Variants in DNAH11 observed in about 807,000 individuals in gnomAD.
DNAH11 encodes the protein axonemal beta dynein heavy chain 11.
A neutral mutation model predicts 526.0 loss-of-function variants in DNAH11; 442 were observed. The observed-to-expected ratio is 0.84, with a 90% confidence interval of 0.78 to 0.91. DNAH11 has a LOEUF of 0.91. Ranked by LOEUF, DNAH11 falls within the 40% of genes least tolerant of loss-of-function variation. DNAH11 has a pLI of 0.00. For synonymous variants in DNAH11, 2,461 were observed against 1,935.9 expected, an observed-to-expected ratio of 1.27 and a Z score of -7.12; for missense variants, 6,989 against 5,448.7, an observed-to-expected ratio of 1.28 and a Z score of -8.90.
intron 45 of DNAH11, among the ~76,000 whole-genome samples, chr7:21,733,701 T>C (rs1486547777): frequency 1.3e-5 from 2 of 152,224 alleles, no homozygotes; most frequent in Non-Finnish European, 2.9e-5. Context: ...CATCTTAATA[T>C]AGTAGAAGAG....
intron 28 of DNAH11, among the ~76,000 whole-genome samples, chr7:21,642,673 A>G (rs1048899808): frequency 1.3e-5 from 2 of 152,136 alleles, no homozygotes; most frequent in Non-Finnish European, 2.9e-5. Context: ...TCATCTTGAC[A>G]TCTTGTGAAT....
At chr7:21,882,129 C>T (rs112936224) in intron 75 of DNAH11, among the ~76,000 whole-genome samples, 2,986 of 152,230 alleles carry the variant, frequency 0.02, 31 homozygotes, top group Middle Eastern at 0.037. Flanking sequence ...AGGCTGCAAC[C>T]GGGAATAGAA....
At chr7:21,798,333 T>A (rs1400355678) in intron 61 of DNAH11, among the ~76,000 whole-genome samples, 1 of 152,206 alleles carries the variant, frequency 6.6e-6, no homozygotes, top group Non-Finnish European at 1.5e-5. Flanking sequence ...TGACCTCAGG[T>A]GATCCACCTG....
chr7:21,773,118 T>G (rs1430469243), intron 55 of DNAH11, among the ~76,000 whole-genome samples: 1 of 152,146 alleles, frequency 6.6e-6, no homozygotes, highest in Non-Finnish European at 1.5e-5. Flanking sequence ...AATTAAAAAG[T>G]TAACTACTTC....
chr7:21,873,101 T>C (rs1324209336), intron 73 of DNAH11, among the ~76,000 whole-genome samples, 173 bp from the exon 74 acceptor site: 1 of 152,086 alleles, frequency 6.6e-6, no homozygotes, highest in Non-Finnish European at 1.5e-5. Context: ...CTTTTTTTTT[T>C]TTTGATGTAT....
chr7:21,715,627 CAG>C (rs1784629426), intron 42 of DNAH11, among the ~76,000 whole-genome samples: 1 of 152,070 alleles, frequency 6.6e-6, no homozygotes, highest in Admixed American at 6.6e-5. Context: ...TTATATGAAG[CAG>C]TGTTGTAAGA....
At chr7:21,861,814 C>G in intron 68 of DNAH11, 39 bp from the exon 69 acceptor site, 2 of 1,607,430 alleles carry the variant, frequency 1.2e-6, no homozygotes, top group Non-Finnish European at 1.7e-6. Flanking sequence ...CATCCAGGCA[C>G]CAGTTGTCAC....
At chr7:21,856,568 T>C (rs1162987795) in intron 68 of DNAH11, among the ~76,000 whole-genome samples, 1 of 152,190 alleles carries the variant, frequency 6.6e-6, no homozygotes, top group African/African-American at 2.4e-5. Context: ...GTAAACATTG[T>C]TGGTAAACTC....
At chr7:21,900,815 C>A (rs969353056) in intron 81 of DNAH11, 192 bp from the exon 82 acceptor site, 2 of 780,066 alleles carry the variant, frequency 2.6e-6, no homozygotes, top group African/African-American at 1.8e-5. Context: ...GGAAGCAAAG[C>A]GGTGCCTCCG....
intron 37 of DNAH11, among the ~76,000 whole-genome samples, chr7:21,704,099 G>T (rs1048988871): frequency 2.6e-5 from 4 of 152,158 alleles, no homozygotes; most frequent in Non-Finnish European, 5.9e-5. Context: ...TGATCTGATG[G>T]GCTTGATTAA....
intron 24 of DNAH11, 130 bp downstream of exon 24, chr7:21,619,352 T>G: frequency 9.8e-7 from 1 of 1,021,364 alleles, no homozygotes; most frequent in Non-Finnish European, 1.4e-6. Context: ...TTCCCTGCTG[T>G]TCATTAGGTG....
rs374802008 is a variant in DNAH11, at chr7:21,543,591, C to G, written c.346C>G (p.Gln116Glu). The change falls in exon 1 of 82, where the codon CAG (glutamine) becomes GAG (glutamate). Residue 116 changes from glutamine (Q) to glutamate (E), a missense_variant. By Grantham distance (29) the Gln-to-Glu change is conservative. Coordinates refer to ENST00000409508, the MANE Select transcript of DNAH11 (RefSeq NM_001277115.2). ...CGCCTCGGGGCGCCTTGCGGCTTCC[C>G]AGGAGGTAAGAGGCGACGGGCAAGG... ...FAASGRLAAS[Q>E]EIPRDANHKL... 6.4e-5 allele frequency: 102 copies of G among 1,591,716 alleles called. No individual in the cohort carries two copies. Among genetic ancestry groups the G allele is most frequent in the Non-Finnish European group, 8.3e-5 (97 of 1,168,760 alleles).
chr7:21,560,076 A>G (rs1247709147), intron 4 of DNAH11, among the ~76,000 whole-genome samples: 1 of 152,258 alleles, frequency 6.6e-6, no homozygotes, highest in East Asian at 1.9e-4. Flanking sequence ...GGAAAATTTA[A>G]TTAGTCAACT....
chr7:21,754,252 G>T (rs939318711), intron 54 of DNAH11, among the ~76,000 whole-genome samples: 34 of 152,142 alleles, frequency 2.2e-4, no homozygotes, highest in African/African-American at 7.7e-4. Context: ...TTCAGAATAT[G>T]TATCTTGTCA....
intron 42 of DNAH11, among the ~76,000 whole-genome samples, chr7:21,716,594 A>G (rs773215074): frequency 1.4e-4 from 21 of 152,190 alleles, no homozygotes; most frequent in Non-Finnish European, 2.5e-4. Flanking sequence ...GATAAGATCT[A>G]GATACAAAGA....
intron 30 of DNAH11, among the ~76,000 whole-genome samples, chr7:21,675,043 A>G (rs1026495952): frequency 1.3e-5 from 2 of 152,154 alleles, no homozygotes; most frequent in African/African-American, 4.8e-5. Context: ...TTTCATCTAA[A>G]TGACTGTAGC....
chr7:21,701,924 G>C (rs2128478181), intron 36 of DNAH11, among the ~76,000 whole-genome samples: 1 of 150,980 alleles, frequency 6.6e-6, no homozygotes, highest in African/African-American at 2.5e-5. Context: ...GGTTGTAGCT[G>C]GACGGTGAAA....
chr7:21,798,417 C>T (rs768132730), intron 61 of DNAH11, among the ~76,000 whole-genome samples: 6 of 152,120 alleles, frequency 3.9e-5, no homozygotes, highest in Non-Finnish European at 7.3e-5. Context: ...TTTTTAAACT[C>T]GAAGATGGAT....
chr7:21,898,461 C>G (rs895564976), intron 79 of DNAH11, among the ~76,000 whole-genome samples: 7 of 152,184 alleles, frequency 4.6e-5, no homozygotes, highest in African/African-American at 1.7e-4. Flanking sequence ...CATTCACCCC[C>G]ACTTCCTTTG....
Sources: gnomAD v4.1 joint callset for allele counts (sites outside exome capture counted in the v4.1 genomes callset) on GRCh38, gnomAD v4.1.1 for gene constraint, MANE v1.5 for transcripts, NCBI Gene and HGNC (gene_info 2026-07-23, HGNC 2026-07-21) for gene names.